TMEM132C: variants seen among roughly 807,000 people sequenced by gnomAD.
TMEM132C encodes protein phosphatase 1, regulatory subunit 152.
TMEM132C carries 29 observed loss-of-function variants against 61.4 expected under a neutral mutation model. That is an observed-to-expected ratio of 0.47 (90% CI 0.35 to 0.64). The LOEUF is 0.64. TMEM132C is among the 30% of genes least tolerant of loss of function. The probability of loss-of-function intolerance (pLI) is 0.00; values close to 1 mark genes in which losing one functional copy is unlikely to be tolerated. For synonymous variants in TMEM132C, 656 were observed against 633.1 expected (o/e 1.04, Z -0.54); for missense variants, 1,408 against 1,476.9 (o/e 0.95, Z 0.76).
At chr12:128,595,494 G>A (rs986469657) in intron 3 of TMEM132C, among the ~76,000 whole-genome samples, 4 of 152,168 alleles carry the variant, frequency 2.6e-5, no homozygotes, top group African/African-American at 7.2e-5. Context: ...GAGGGGCAAG[G>A]GTAATTGCCA....
At chr12:128,672,481 A>G (rs1954542163) in intron 5 of TMEM132C, among the ~76,000 whole-genome samples, 1 of 152,224 alleles carries the variant, frequency 6.6e-6, no homozygotes, top group Admixed American at 6.5e-5. Context: ...TTTTGACAGG[A>G]AGTCCATTAC....
chr12:128,333,115 ATG>A (rs1872702118), intron 1 of TMEM132C, among the ~76,000 whole-genome samples: 1 of 151,692 alleles, frequency 6.6e-6, no homozygotes, highest in Non-Finnish European at 1.5e-5. Flanking sequence ...CTGTGTGTTT[ATG>A]TGAGTGCTGT....
At chr12:128,371,901 T>C (rs1874038971) in intron 1 of TMEM132C, among the ~76,000 whole-genome samples, 1 of 152,184 alleles carries the variant, frequency 6.6e-6, no homozygotes, top group African/African-American at 2.4e-5. Context: ...GTAAACAACT[T>C]TATTGAAGTA....
At chr12:128,540,644 C>G (rs1329470645) in intron 2 of TMEM132C, among the ~76,000 whole-genome samples, 1 of 152,196 alleles carries the variant, frequency 6.6e-6, no homozygotes, top group Non-Finnish European at 1.5e-5. Flanking sequence ...TTGCCTGTTT[C>G]AGTCTTTCTG....
At chr12:128,503,306 C>T (rs949731618) in intron 2 of TMEM132C, among the ~76,000 whole-genome samples, 1 of 152,202 alleles carries the variant, frequency 6.6e-6, no homozygotes, top group African/African-American at 2.4e-5. Context: ...ATTCTCCCAC[C>T]TTGGATTCAA....
At chr12:128,327,019 C>A (rs1593012288) in intron 1 of TMEM132C, among the ~76,000 whole-genome samples, 1 of 149,826 alleles carries the variant, frequency 6.7e-6, no homozygotes, top group East Asian at 1.9e-4. Flanking sequence ...TTATCCCCAA[C>A]CTTTTTGTCT....
intron 1 of TMEM132C, among the ~76,000 whole-genome samples, chr12:128,367,861 C>T (rs1788968986): frequency 6.6e-6 from 1 of 151,832 alleles, no homozygotes; most frequent in Admixed American, 6.6e-5. Context: ...TTCTGTTTTC[C>T]TCTGTAATGT....
intron 1 of TMEM132C, among the ~76,000 whole-genome samples, chr12:128,402,848 A>C (rs147904574): frequency 2.2e-3 from 335 of 152,320 alleles, no homozygotes; most frequent in African/African-American, 7.7e-3. Flanking sequence ...GTGCTGATGA[A>C]GTCCAAGACT....
At chr12:128,516,104 C>T (rs916117231) in intron 2 of TMEM132C, among the ~76,000 whole-genome samples, 2 of 152,126 alleles carry the variant, frequency 1.3e-5, no homozygotes, top group African/African-American at 4.8e-5. Flanking sequence ...GATGCCACAA[C>T]AAGTAGGGTC....
chr12:128,365,730 T>C (rs1292860954), intron 1 of TMEM132C, among the ~76,000 whole-genome samples: 1 of 152,164 alleles, frequency 6.6e-6, no homozygotes, highest in Non-Finnish European at 1.5e-5. Flanking sequence ...CTCCTCTCCC[T>C]GCCCCCACAG....
At chr12:128,557,211 A>G (rs1045291341) in intron 3 of TMEM132C, among the ~76,000 whole-genome samples, 6 of 152,154 alleles carry the variant, frequency 3.9e-5, no homozygotes, top group African/African-American at 1.4e-4. Flanking sequence ...TTACCTCTGG[A>G]AGCTTATTTC....
chr12:128,497,695 G>T (rs945464769), intron 2 of TMEM132C, among the ~76,000 whole-genome samples: 3 of 152,198 alleles, frequency 2.0e-5, no homozygotes, highest in African/African-American at 7.2e-5. Context: ...CAGTATTAGG[G>T]TGAGAGTGAC....
intron 2 of TMEM132C, among the ~76,000 whole-genome samples, chr12:128,472,419 A>C (rs1565946131): frequency 6.6e-6 from 1 of 152,188 alleles, no homozygotes; most frequent in Non-Finnish European, 1.5e-5. Context: ...GTCAACGGGA[A>C]ATAGAGTTAT....
At chr12:128,560,362 C>G (rs1874468375) in intron 3 of TMEM132C, among the ~76,000 whole-genome samples, 1 of 152,200 alleles carries the variant, frequency 6.6e-6, no homozygotes, top group Non-Finnish European at 1.5e-5. Flanking sequence ...CACTCTGGAC[C>G]TTACCCCATG....
At chr12:128,452,658 C>G (rs773056570) in intron 2 of TMEM132C, among the ~76,000 whole-genome samples, 1 of 151,682 alleles carries the variant, frequency 6.6e-6, no homozygotes, top group South Asian at 2.1e-4. Context: ...GAGCTGAGAT[C>G]ACACCACTGC....
In TMEM132C at chr12:128,468,933, G is replaced by A. The variant is rs953369871; in HGVS notation, c.974+53313G>A. Among the ~76,000 whole-genome samples, 5 of 152,120 alleles carry A rather than the reference G, an allele frequency of 3.3e-5. No individual in the cohort carries two copies. In the East Asian group the frequency reaches 9.6e-4, roughly 29 times the overall value. On this transcript the variant is annotated intron_variant, in intron 2 of 8. Coordinates refer to ENST00000435159, the MANE Select transcript of TMEM132C (RefSeq NM_001136103.3). ...TGGTTCTAACAAAAATCATGAATCA[G>A]ACTCAATGTGGGAAACATTGGACTT...
chr12:128,641,628 G>T (rs1011673975), intron 4 of TMEM132C, among the ~76,000 whole-genome samples: 1 of 152,086 alleles, frequency 6.6e-6, no homozygotes, highest in African/African-American at 2.4e-5. Flanking sequence ...ACCTCCCCGG[G>T]GTCTTCAGAG....
At chr12:128,353,618 C>T (rs1031115652) in intron 1 of TMEM132C, among the ~76,000 whole-genome samples, 1 of 152,194 alleles carries the variant, frequency 6.6e-6, no homozygotes, top group Admixed American at 6.5e-5. Flanking sequence ...GTGTTGCTTC[C>T]TCTGAATGGT....
At chr12:128,356,890 T>C (rs1873523659) in intron 1 of TMEM132C, among the ~76,000 whole-genome samples, 1 of 152,178 alleles carries the variant, frequency 6.6e-6, no homozygotes, top group Non-Finnish European at 1.5e-5. Flanking sequence ...ATTTCTACCT[T>C]AAATAGAGAT....
Sources: allele counts gnomAD v4.1 joint callset (sites outside exome capture counted in the v4.1 genomes callset), GRCh38; gene constraint gnomAD v4.1.1; transcripts MANE v1.5; gene names NCBI Gene and HGNC (gene_info 2026-07-23, HGNC 2026-07-21).